TRABD2B: variants seen among roughly 807,000 people sequenced by gnomAD.
TRABD2B encodes metalloprotease TIKI2.
TRABD2B carries 14 observed loss-of-function variants against 40.1 expected under a neutral mutation model. The observed-to-expected ratio is 0.35, with a 90% CI of 0.23 to 0.55. The LOEUF (loss-of-function observed/expected upper bound fraction) is 0.55. Ranked by LOEUF, TRABD2B falls within the 20% of genes least tolerant of loss-of-function variation. TRABD2B has a pLI of 0.90. For synonymous variants in TRABD2B, 263 were observed against 277.0 expected, an observed-to-expected ratio of 0.95 and a Z score of 0.50; for missense variants, 541 against 648.6, an observed-to-expected ratio of 0.83 and a Z score of 1.80.
intron 2 of TRABD2B, among the ~76,000 whole-genome samples, chr1:47,931,163 T>C (rs1304259223): frequency 6.6e-6 from 1 of 152,218 alleles, no homozygotes; most frequent in Admixed American, 6.5e-5. Context: ...AGCTAACGAA[T>C]GAATGATTAT....
At chr1:47,812,610 G>A (rs1023994878) in intron 2 of TRABD2B, among the ~76,000 whole-genome samples, 6 of 152,128 alleles carry the variant, frequency 3.9e-5, no homozygotes, top group South Asian at 2.1e-4. Context: ...TCCCAGCTAC[G>A]CAGCAGGCTA....
intron 2 of TRABD2B, among the ~76,000 whole-genome samples, chr1:47,877,540 T>C (rs1380050709): frequency 3.3e-5 from 5 of 152,106 alleles, no homozygotes; most frequent in South Asian, 2.1e-4. Flanking sequence ...TCTGAAAGCA[T>C]CTCGCCATCT....
chr1:47,967,455 C>T (rs964368178), intron 2 of TRABD2B, among the ~76,000 whole-genome samples: 6 of 152,068 alleles, frequency 3.9e-5, no homozygotes, highest in Admixed American at 6.5e-5. Context: ...AAATTAACAC[C>T]GCACCACATC....
At chr1:47,906,760 G>A (rs1350033320) in intron 2 of TRABD2B, among the ~76,000 whole-genome samples, 2 of 152,234 alleles carry the variant, frequency 1.3e-5, no homozygotes, top group Non-Finnish European at 2.9e-5. Flanking sequence ...AGGATGGCCT[G>A]TATTATGACA....
At chr1:47,775,463 G>A (rs940483748) in intron 5 of TRABD2B, 24 bp from the exon 6 acceptor site, 3 of 1,234,200 alleles carry the variant, frequency 2.4e-6, no homozygotes, top group Non-Finnish European at 3.0e-6. Flanking sequence ...ATGGCACATG[G>A]GGCACATGTG....
At chr1:47,979,668 C>G (rs142264643) in intron 2 of TRABD2B, among the ~76,000 whole-genome samples, 1 of 152,138 alleles carries the variant, frequency 6.6e-6, no homozygotes, top group South Asian at 2.1e-4. Context: ...CAGGTGGAAT[C>G]CCACAAATAA....
At chr1:47,990,768 G>GTT (rs1248786701) in intron 2 of TRABD2B, among the ~76,000 whole-genome samples, 1 of 44,938 alleles carries the variant, frequency 2.2e-5, no homozygotes, top group South Asian at 8.2e-4. Flanking sequence ...TAAAACGTTG[G>GTT]TTTTATATAT....
At chr1:47,968,704 GT>G (rs1410054725) in intron 2 of TRABD2B, among the ~76,000 whole-genome samples, 3 of 152,186 alleles carry the variant, frequency 2.0e-5, no homozygotes, top group Non-Finnish European at 4.4e-5. Flanking sequence ...TGGGGTGGGC[GT>G]GGCACTTCAA....
intron 2 of TRABD2B, 43 bp from the exon 3 acceptor site, chr1:47,801,662 A>C (rs942739408): frequency 3.9e-5 from 60 of 1,527,398 alleles, no homozygotes; most frequent in Non-Finnish European, 5.1e-5. Flanking sequence ...GTGCTCAGGG[A>C]CCCTGGCTGA....
chr1:47,940,382 G>A (rs1205074608), intron 2 of TRABD2B, among the ~76,000 whole-genome samples: 1 of 152,210 alleles, frequency 6.6e-6, no homozygotes, highest in Non-Finnish European at 1.5e-5. Flanking sequence ...CGACGATGGC[G>A]ATGATGGAAT....
chr1:47,874,239 A>C (rs1347504575), intron 2 of TRABD2B, among the ~76,000 whole-genome samples: 3 of 147,216 alleles, frequency 2.0e-5, no homozygotes, highest in Non-Finnish European at 4.5e-5. Flanking sequence ...TTTATTTTTA[A>C]ATTGATTAAT....
At chr1:47,766,208 T>C in intron 6 of TRABD2B, 102 bp from the exon 7 acceptor site, 1 of 654,938 alleles carries the variant, frequency 1.5e-6, no homozygotes, top group Non-Finnish European at 2.8e-6. Flanking sequence ...TTTTGCCTAA[T>C]ACAATGGAGA....
At chr1:47,908,311 T>C (rs978337935) in intron 2 of TRABD2B, among the ~76,000 whole-genome samples, 1 of 152,210 alleles carries the variant, frequency 6.6e-6, no homozygotes, top group Non-Finnish European at 1.5e-5. Flanking sequence ...TGGAATTTTA[T>C]AATTTTTTTG....
At chr1:47,811,426 G>C (rs1325428440) in intron 2 of TRABD2B, among the ~76,000 whole-genome samples, 2 of 152,170 alleles carry the variant, frequency 1.3e-5, no homozygotes, top group South Asian at 2.1e-4. Flanking sequence ...GGCGGGCATC[G>C]GGAAGCCTGA....
intron 4 of TRABD2B, among the ~76,000 whole-genome samples, chr1:47,789,687 T>C (rs1476783782): frequency 1.3e-5 from 2 of 152,170 alleles, no homozygotes; most frequent in East Asian, 3.9e-4. Flanking sequence ...GCTGAGAATT[T>C]GCTCCCTTTT....
intron 2 of TRABD2B, among the ~76,000 whole-genome samples, chr1:47,916,786 C>T (rs781282511): frequency 1.3e-5 from 2 of 152,226 alleles, no homozygotes; most frequent in Non-Finnish European, 2.9e-5. Flanking sequence ...CTTCTCTATT[C>T]AAACCCACTT....
chr1:47,958,788 C>T (rs1037022766), intron 2 of TRABD2B, among the ~76,000 whole-genome samples: 7 of 152,162 alleles, frequency 4.6e-5, no homozygotes. Flanking sequence ...ACACTGTCAA[C>T]ATTAGTCAGA....
chr1:47,831,984 T>A (rs1557600331), intron 2 of TRABD2B, among the ~76,000 whole-genome samples: 1 of 152,232 alleles, frequency 6.6e-6, no homozygotes, highest in Non-Finnish European at 1.5e-5. Context: ...CTGGAGCTTA[T>A]GTTTTATGAT....
At chr1:47,892,646 G>GA (rs1644463969) in intron 2 of TRABD2B, among the ~76,000 whole-genome samples, 1 of 152,218 alleles carries the variant, frequency 6.6e-6, no homozygotes, top group South Asian at 2.1e-4. Context: ...AGAGGCTACT[G>GA]AGGTAGGATG....
Sources: allele counts gnomAD v4.1 joint callset (sites outside exome capture counted in the v4.1 genomes callset), GRCh38; gene constraint gnomAD v4.1.1; transcripts MANE v1.5; gene names NCBI Gene and HGNC (gene_info 2026-07-23, HGNC 2026-07-21).